Variants in SH3PXD2A observed in about 807,000 individuals in gnomAD.
The protein encoded by SH3PXD2A is SH3 and PX domain-containing protein 2A.
A neutral mutation model predicts 115.2 loss-of-function variants in SH3PXD2A; 32 were observed. The ratio of observed to expected loss-of-function variants is 0.28; its 90% CI spans 0.21 to 0.37. SH3PXD2A has a LOEUF of 0.37. SH3PXD2A is among the 10% of genes least tolerant of loss of function. SH3PXD2A has a pLI of 1.00. For synonymous variants in SH3PXD2A, 610 were observed against 629.1 expected, an observed-to-expected ratio of 0.97 and a Z score of 0.45; for missense variants, 1,328 against 1,498.7, an observed-to-expected ratio of 0.89 and a Z score of 1.88.
chr10:103,694,146 G>T (rs1347269166), intron 5 of SH3PXD2A, among the ~76,000 whole-genome samples: 1 of 152,222 alleles, frequency 6.6e-6, no homozygotes, highest in Non-Finnish European at 1.5e-5. Flanking sequence ...CAGTGGAGGG[G>T]CTGGCTGGGG....
At chr10:103,669,450 A>G (rs1380540729) in intron 6 of SH3PXD2A, among the ~76,000 whole-genome samples, 1 of 152,248 alleles carries the variant, frequency 6.6e-6, no homozygotes, top group Non-Finnish European at 1.5e-5. Context: ...GATACCATTA[A>G]CATCTGAATG....
chr10:103,720,429 G>T (rs1276724929), intron 5 of SH3PXD2A, among the ~76,000 whole-genome samples: 1 of 152,188 alleles, frequency 6.6e-6, no homozygotes, highest in Non-Finnish European at 1.5e-5. Context: ...GATCAAAGCC[G>T]AGGCGCTCAG....
At chr10:103,772,416 G>A (rs2038833173) in intron 2 of SH3PXD2A, among the ~76,000 whole-genome samples, 1 of 152,236 alleles carries the variant, frequency 6.6e-6, no homozygotes, top group Non-Finnish European at 1.5e-5. Context: ...GAGTTCTCCG[G>A]GACCACCTTT....
intron 5 of SH3PXD2A, among the ~76,000 whole-genome samples, chr10:103,721,604 T>A (rs893975616): frequency 8.5e-5 from 13 of 152,154 alleles, no homozygotes; most frequent in African/African-American, 3.1e-4. Context: ...CTGATCCTTT[T>A]CCCCCGTGGC....
intron 1 of SH3PXD2A, among the ~76,000 whole-genome samples, chr10:103,831,617 C>G (rs1187092125): frequency 2.0e-5 from 3 of 152,190 alleles, no homozygotes; most frequent in Admixed American, 2.0e-4. Flanking sequence ...CCCAGGAATT[C>G]AAGACCAGCC....
At chr10:103,719,654 T>C (rs2038154134) in intron 5 of SH3PXD2A, among the ~76,000 whole-genome samples, 2 of 151,828 alleles carry the variant, frequency 1.3e-5, no homozygotes, top group African/African-American at 4.8e-5. Context: ...CGTCTTAGTC[T>C]GTTCAGGCTG....
chr10:103,644,585 C>CAAAA (rs34818569), intron 8 of SH3PXD2A, among the ~76,000 whole-genome samples: 2 of 102,508 alleles, frequency 2.0e-5, no homozygotes, highest in African/African-American at 3.9e-5. Flanking sequence ...GACCAAGTCT[C>CAAAA]AAAAAAAAAA....
intron 3 of SH3PXD2A, among the ~76,000 whole-genome samples, chr10:103,744,154 C>CTT (rs35901070): frequency 8.1e-5 from 11 of 136,262 alleles, no homozygotes; most frequent in Non-Finnish European, 9.6e-5. Flanking sequence ...CCCTGCTTGT[C>CTT]TTTTTTTTTT....
intron 1 of SH3PXD2A, among the ~76,000 whole-genome samples, chr10:103,830,012 G>C (rs961168705): frequency 4.6e-5 from 7 of 152,194 alleles, no homozygotes; most frequent in Non-Finnish European, 7.3e-5. Context: ...CCCCACCCCA[G>C]GTAGACTCAG....
chr10:103,688,261 A>G (rs181737910), intron 6 of SH3PXD2A, among the ~76,000 whole-genome samples: 8 of 152,308 alleles, frequency 5.3e-5, no homozygotes, highest in Admixed American at 3.3e-4. Flanking sequence ...TAAAGCCACA[A>G]TGACCTTTCT....
intron 4 of SH3PXD2A, among the ~76,000 whole-genome samples, chr10:103,735,248 C>T (rs1274776834): frequency 6.6e-6 from 1 of 152,212 alleles, no homozygotes; most frequent in African/African-American, 2.4e-5. Flanking sequence ...TGAACACCTG[C>T]ATCTGTAAAG....
chr10:103,765,901 G>A (rs1055399282), intron 3 of SH3PXD2A, among the ~76,000 whole-genome samples: 7 of 152,184 alleles, frequency 4.6e-5, no homozygotes, highest in African/African-American at 1.4e-4. Flanking sequence ...GACCCTGTGC[G>A]GGGAGGCCAG....
intron 7 of SH3PXD2A, chr10:103,661,680 AGGAGAG>A: frequency 1.0e-6 from 1 of 984,798 alleles, no homozygotes; most frequent in Non-Finnish European, 1.2e-6. Context: ...GGAGAGGGAG[AGGAGAG>A]AGCGGGAGAG....
chr10:103,788,806 C>T (rs1292896826), intron 2 of SH3PXD2A, among the ~76,000 whole-genome samples: 5 of 152,100 alleles, frequency 3.3e-5, no homozygotes, highest in African/African-American at 4.8e-5. Flanking sequence ...CGCTTGAACC[C>T]GGGAGGCGGA....
In SH3PXD2A at chr10:103,666,243, C is replaced by T. The variant is rs916484008; in HGVS notation, c.472+2365G>A. ...ATCATTCATGATTCAACACATGTAT[C>T]GAGCACCCACTAGGCGCCAACACCC... On this transcript the variant is annotated intron_variant, in intron 7 of 14. Coordinates refer to ENST00000369774, the MANE Select transcript of SH3PXD2A (RefSeq NM_001394015.1). This position sits in a 1 kb window ranked among gnomAD's most constrained non-coding sequence, Gnocchi z 4.5. Among the ~76,000 whole-genome samples the T allele has an allele frequency of 6.6e-6, 1 of 152,224 alleles. No homozygotes were observed. Among genetic ancestry groups the T allele is most frequent in the Non-Finnish European group, 1.5e-5 (1 of 68,042 alleles).
At chr10:103,773,280 A>T (rs191764234) in intron 2 of SH3PXD2A, among the ~76,000 whole-genome samples, 77 of 151,184 alleles carry the variant, frequency 5.1e-4, no homozygotes, top group Non-Finnish European at 7.4e-4. Flanking sequence ...CTCTGTGGGG[A>T]CCATGCAAGA....
intron 1 of SH3PXD2A, among the ~76,000 whole-genome samples, chr10:103,814,993 T>TGG (rs35236349): frequency 1.3e-5 from 2 of 151,920 alleles, no homozygotes; most frequent in South Asian, 2.1e-4. Flanking sequence ...ACTGGGGAGG[T>TGG]GGGGGGCTCT....
chr10:103,644,504 T>C (rs982703277), intron 8 of SH3PXD2A, among the ~76,000 whole-genome samples: 5 of 149,866 alleles, frequency 3.3e-5, no homozygotes. Context: ...GAGGATCACT[T>C]GAGCCCAGGA....
chr10:103,831,404 T>G (rs999372930), intron 1 of SH3PXD2A, among the ~76,000 whole-genome samples: 4 of 152,244 alleles, frequency 2.6e-5, no homozygotes, highest in Admixed American at 6.5e-5. Flanking sequence ...AGAATTGTGC[T>G]TCCTCAACAA....
Sources: gnomAD v4.1 joint callset for allele counts (sites outside exome capture counted in the v4.1 genomes callset) on GRCh38, gnomAD v4.1.1 for gene constraint, Gnocchi (gnomAD v3.1) non-coding constraint, MANE v1.5 for transcripts, NCBI Gene and HGNC (gene_info 2026-07-23, HGNC 2026-07-21) for gene names.